ANKMY1: variants seen among roughly 807,000 people sequenced by gnomAD.
ANKMY1 encodes the protein ankyrin repeat and MYND domain-containing protein 1.
ANKMY1 carries 98 observed loss-of-function variants against 102.0 expected under a neutral mutation model. The observed-to-expected ratio is 0.96, with a 90% CI of 0.82 to 1.14. ANKMY1 has a LOEUF of 1.14. ANKMY1 is among the 50% of genes most tolerant of loss of function. ANKMY1 has a pLI of 0.00. For synonymous variants in ANKMY1, 582 were observed against 559.9 expected (o/e 1.04, Z -0.56); for missense variants, 1,330 against 1,347.6 (o/e 0.99, Z 0.20).
chr2:240,496,352 TTAGATAGATAGATAGA>T (rs55671912), intron 15 of ANKMY1, among the ~76,000 whole-genome samples: 14,712 of 147,426 alleles, frequency 0.1, 840 homozygotes, highest in Admixed American at 0.17. Flanking sequence ...GGTACTCTAA[TTAGATAGATAGATAGA>T]TAGATAGATA....
downstream of ANKMY1, among the ~76,000 whole-genome samples, chr2:240,474,857 A>G (rs546621458): frequency 7.2e-5 from 11 of 152,334 alleles, no homozygotes; most frequent in African/African-American, 2.4e-4. Context: ...TGTCCTTGCT[A>G]TTGTGAATAC....
chr2:240,500,688 C>A (rs905326269), intron 13 of ANKMY1, 123 bp from the exon 14 acceptor site: 19 of 731,940 alleles, frequency 2.6e-5, no homozygotes, highest in Non-Finnish European at 4.3e-5. Context: ...TTGCAGTGTG[C>A]GGGAATGCCC....
chr2:240,550,612 A>C (rs1383809970), intron 4 of ANKMY1, among the ~76,000 whole-genome samples: 1 of 152,216 alleles, frequency 6.6e-6, no homozygotes, highest in Non-Finnish European at 1.5e-5. Context: ...AAGTCCAAGA[A>C]AGACATATTA....
chr2:240,521,126 T>G (rs988618967), intron 8 of ANKMY1, among the ~76,000 whole-genome samples: 1 of 148,276 alleles, frequency 6.7e-6, no homozygotes, highest in African/African-American at 2.5e-5. Context: ...CGCGCAGGGC[T>G]GAGGGAGGAG....
chr2:240,512,985 T>A (rs2080528163), intron 9 of ANKMY1, 43 bp from the exon 10 acceptor site: 1 of 1,590,624 alleles, frequency 6.3e-7, no homozygotes, highest in African/African-American at 1.3e-5. Flanking sequence ...CACATTCTCG[T>A]AGGGAGAGAC....
At chr2:240,536,534 A>G (rs2086789382) in intron 4 of ANKMY1, among the ~76,000 whole-genome samples, 1 of 152,346 alleles carries the variant, frequency 6.6e-6, no homozygotes, top group East Asian at 1.9e-4. Flanking sequence ...CTAAAACTAA[A>G]GTAACAGTGA....
rs536810345 is a variant in ANKMY1, at chr2:240,506,222, C to G, written c.2526+1338G>C. ...AGGCACATTCAGCGTCCACACACAA[C>G]AACGCTGCCCCCTGAGCTGCCTCTC... On this transcript the variant is annotated intron_variant, in intron 13 of 17. Coordinates refer to ENST00000401804, the MANE Select transcript of ANKMY1 (RefSeq NM_001282771.3). The surrounding 1 kb of genome is among the most constrained non-coding windows in gnomAD (Gnocchi z 4.9). Among the ~76,000 whole-genome samples, 45 of 152,350 alleles carry G rather than the reference C, an allele frequency of 3.0e-4. No homozygotes were observed. Among genetic ancestry groups the G allele is most frequent in the Non-Finnish European group, 4.6e-4 (31 of 68,036 alleles).
intron 9 of ANKMY1, among the ~76,000 whole-genome samples, chr2:240,516,451 A>G (rs536210048): frequency 1.2e-4 from 19 of 152,322 alleles, no homozygotes; most frequent in East Asian, 1.2e-3. Flanking sequence ...GTATACAGAT[A>G]CGTTGTTCCT....
chr2:240,553,212 G>T (rs1037612643), intron 3 of ANKMY1, 155 bp from the exon 4 acceptor site: 1 of 856,766 alleles, frequency 1.2e-6, no homozygotes, highest in Non-Finnish European at 1.8e-6. Context: ...TATTAGAGTC[G>T]GCAACTGAAG....
chr2:240,525,989 G>T (rs1011864374), intron 6 of ANKMY1, 140 bp from the exon 7 acceptor site: 1 of 1,158,648 alleles, frequency 8.6e-7, no homozygotes. Context: ...TTGGCAAAGG[G>T]ACAAGTGTGG....
At position 240,509,944 on chromosome 2, in the gene ANKMY1, TC is replaced by T. The variant is rs199568509; in HGVS notation, c.2287-490del. Among the ~76,000 whole-genome samples the T allele has an allele frequency of 6.7e-3, 912 of 135,256 alleles. 11 individuals carry two copies. Among genetic ancestry groups the T allele is most frequent in the African/African-American group, 0.024 (853 of 36,082 alleles). 88.7% of individuals were successfully genotyped at this position (135,256 alleles called of 152,430 possible). ...CCCCGTCCATGCCTCCCTGCCCTCC[TC>T]CCCCATCCATGCCCTCCCTGCCTCC... On this transcript the variant is annotated intron_variant, in intron 11 of 17. Coordinates refer to ENST00000401804, the MANE Select transcript of ANKMY1 (RefSeq NM_001282771.3).
chr2:240,524,708 A>T (rs1421988345), intron 7 of ANKMY1, among the ~76,000 whole-genome samples: 1 of 152,276 alleles, frequency 6.6e-6, no homozygotes, highest in East Asian at 1.9e-4. Context: ...TGCCTTAATG[A>T]TGCTGCTTAT....
At chr2:240,519,527 C>CT (rs1211444186) in intron 9 of ANKMY1, among the ~76,000 whole-genome samples, 5 of 152,192 alleles carry the variant, frequency 3.3e-5, no homozygotes, top group African/African-American at 1.2e-4. Context: ...CCAGACGCCT[C>CT]TGAGAGGAGG....
intron 12 of ANKMY1, among the ~76,000 whole-genome samples, chr2:240,508,387 G>A (rs1423163899): frequency 6.6e-6 from 1 of 152,264 alleles, no homozygotes; most frequent in Non-Finnish European, 1.5e-5. Context: ...GAAGAAAGCA[G>A]GGAGCAGAGG....
At chr2:240,481,932 G>A (rs1038964433) in intron 16 of ANKMY1, among the ~76,000 whole-genome samples, 23 of 152,110 alleles carry the variant, frequency 1.5e-4, no homozygotes, top group African/African-American at 5.6e-4. Context: ...TGACCCACTC[G>A]GAGCAGCCCA....
At chr2:240,519,653 T>C (rs2081805913) in intron 9 of ANKMY1, 1 of 155,428 alleles carries the variant, frequency 6.4e-6, no homozygotes, top group African/African-American at 2.4e-5. Context: ...AGCACGGGGG[T>C]ACACACTGCC....
chr2:240,472,598 C>CA, the ANKMY1 span, among the ~76,000 whole-genome samples: 8 of 152,316 alleles, frequency 5.3e-5, no homozygotes, highest in African/African-American at 7.2e-5. Flanking sequence ...CCAGTCTGCC[C>CA]AGGGACCAGA....
chr2:240,548,166 T>C (rs1409737150), intron 4 of ANKMY1, among the ~76,000 whole-genome samples: 6 of 152,132 alleles, frequency 3.9e-5, no homozygotes, highest in Non-Finnish European at 8.8e-5. Context: ...TTATCCACCA[T>C]GATCAAGTGG....
chr2:240,521,489 A>AG (rs2082255776), intron 8 of ANKMY1, among the ~76,000 whole-genome samples: 1 of 123,490 alleles, frequency 8.1e-6, no homozygotes, highest in African/African-American at 3.2e-5. Context: ...GCGGTGTTAC[A>AG]GCTTTTTTTT....
Sources: gnomAD v4.1 joint callset for allele counts (sites outside exome capture counted in the v4.1 genomes callset) on GRCh38, gnomAD v4.1.1 for gene constraint, Gnocchi (gnomAD v3.1) non-coding constraint, MANE v1.5 for transcripts, NCBI Gene and HGNC (gene_info 2026-07-23, HGNC 2026-07-21) for gene names.